The following RASA3 variants were observed in gnomAD, a reference collection of about 807,000 sequenced individuals.
RASA3 encodes the protein ras GTPase-activating protein 3.
RASA3 carries 73 observed loss-of-function variants against 110.0 expected under a neutral mutation model. The observed-to-expected ratio is 0.66, with a 90% confidence interval of 0.55 to 0.81. The LOEUF is 0.81. Among genes scored for constraint, RASA3 ranks in the 30% least tolerant of loss-of-function variants. The pLI is 0.00. For missense variants in RASA3, 976 were observed against 1,113.2 expected (o/e 0.88, Z 1.75); for synonymous variants, 500 against 451.4 (o/e 1.11, Z -1.37).
At chr13:114,010,127 G>A (rs972487397) in intron 16 of RASA3, among the ~76,000 whole-genome samples, 1 of 152,180 alleles carries the variant, frequency 6.6e-6, no homozygotes, top group Non-Finnish European at 1.5e-5. Context: ...AGAGCGGTCG[G>A]TGCACCTCGG....
chr13:114,042,989 C>T (rs577266179), intron 3 of RASA3, among the ~76,000 whole-genome samples: 85 of 152,326 alleles, frequency 5.6e-4, no homozygotes, highest in Admixed American at 4.7e-3. Flanking sequence ...CCCCACCCTG[C>T]GAGGTCCCAG....
intron 9 of RASA3, 56 bp downstream of exon 9, chr13:114,021,348 A>G: frequency 6.7e-7 from 1 of 1,494,040 alleles, no homozygotes; most frequent in South Asian, 1.1e-5. Flanking sequence ...CAGAGGCAGC[A>G]CGTGTTTTTG....
Position 114,057,484 on chromosome 13 carries a change from A to G in RASA3, c.174-5329T>C, listed in dbSNP as rs1478605719. The G allele has an allele frequency of 1.0e-6, 1 of 985,298 alleles. No homozygotes were observed. The highest frequency in any genetic ancestry group is 1.2e-6 in the Non-Finnish European group (1 of 829,938). 61.0% of individuals were successfully genotyped at this position (985,298 alleles called of 1,614,324 possible). A position where few individuals can be genotyped will look rare whatever the true frequency, so the allele number is the denominator to read the frequency against. On this transcript the variant is annotated intron_variant, in intron 2 of 23. Coordinates refer to ENST00000334062, the MANE Select transcript of RASA3 (RefSeq NM_007368.4). This position sits in a 1 kb window ranked among gnomAD's most constrained non-coding sequence, Gnocchi z 5.0. ...AAGCTGGAGCCAGTCTCTGTGCCAG[A>G]ATAGAGGGTTCGTTCAGCTTCTTAG...
At chr13:114,005,493 A>AG (rs149031047) in intron 18 of RASA3, among the ~76,000 whole-genome samples, 21,943 of 152,126 alleles carry the variant, frequency 0.14, 1,871 homozygotes, top group Middle Eastern at 0.21. Context: ...AGAAGGTGGC[A>AG]GAGGGGTCCC....
chr13:113,999,454 C>T, intron 20 of RASA3, 131 bp downstream of exon 20: 2 of 706,498 alleles, frequency 2.8e-6, no homozygotes, highest in South Asian at 3.2e-5. Context: ...ACCCGAGTAA[C>T]ACGAAGACTC....
chr13:114,121,775 C>T (rs1400456472), intron 1 of RASA3, among the ~76,000 whole-genome samples: 1 of 152,246 alleles, frequency 6.6e-6, no homozygotes, highest in Non-Finnish European at 1.5e-5. Flanking sequence ...GCCCATTGCG[C>T]TAGCCCTGTA....
In RASA3 at chr13:114,115,023, A is replaced by G. The variant is rs556684479; in HGVS notation, c.55+17412T>C. Among the ~76,000 whole-genome samples, 1 of 139,308 alleles carries G rather than the reference A, an allele frequency of 7.2e-6. No individual in the cohort carries two copies. The highest frequency in any genetic ancestry group is 7.1e-5 in the Admixed American group (1 of 14,034). 91.4% of individuals were successfully genotyped at this position (139,308 alleles called of 152,430 possible). ...GAGATGCTGCAGGTTCCCCAGCCCCACCCCCAGCTGTGAGATGCTGCAGGT... is the reference window on the plus strand; with the variant it reads ...GAGATGCTGCAGGTTCCCCAGCCCCGCCCCCAGCTGTGAGATGCTGCAGGT... On this transcript the variant is annotated intron_variant, in intron 1 of 23. Coordinates refer to ENST00000334062, the MANE Select transcript of RASA3 (RefSeq NM_007368.4). This position sits in a 1 kb window ranked among gnomAD's most constrained non-coding sequence, Gnocchi z 5.0.
chr13:114,109,216 A>G (rs987067689), intron 1 of RASA3, among the ~76,000 whole-genome samples: 15 of 152,116 alleles, frequency 9.9e-5, no homozygotes, highest in African/African-American at 2.7e-4. Context: ...TTTTCAGTCC[A>G]CGCCTCTGGT....
intron 7 of RASA3, among the ~76,000 whole-genome samples, chr13:114,026,944 C>G (rs562952492): frequency 3.9e-5 from 6 of 152,360 alleles, no homozygotes; most frequent in Non-Finnish European, 7.3e-5. Context: ...ATCCTTTCCC[C>G]TTTGTTTCAA....
intron 2 of RASA3, among the ~76,000 whole-genome samples, chr13:114,059,235 C>T (rs750965786): frequency 1.0e-4 from 15 of 150,624 alleles, no homozygotes; most frequent in South Asian, 2.2e-4. Flanking sequence ...CTGGAGGAGC[C>T]GCCGTCAGGC....
chr13:114,062,741 C>A (rs1252046720), intron 2 of RASA3, among the ~76,000 whole-genome samples: 1 of 152,250 alleles, frequency 6.6e-6, no homozygotes, highest in East Asian at 1.9e-4. Flanking sequence ...TGCGTGCTCA[C>A]AGCCTCAGTC....
At chr13:114,001,730 C>G (rs1277002221) in intron 18 of RASA3, among the ~76,000 whole-genome samples, 1 of 152,164 alleles carries the variant, frequency 6.6e-6, no homozygotes, top group Non-Finnish European at 1.5e-5. Context: ...GGCTCGGGGT[C>G]AGAGCGGGCA....
At chr13:114,050,384 C>T (rs1428755911) in intron 3 of RASA3, among the ~76,000 whole-genome samples, 1 of 152,224 alleles carries the variant, frequency 6.6e-6, no homozygotes, top group Non-Finnish European at 1.5e-5. Flanking sequence ...AAAATGAAGT[C>T]AAATGTCAAT....
rs77114658 is a variant in RASA3 at position 114,040,677 on chromosome 13, A to G, written c.372+323T>C. ...GCCTGCGCTCACTCCGAGCACAAGC[A>G]GGCAAACACGCACAACCCAAAATCC... On this transcript the variant is annotated intron_variant, in intron 4 of 23. Coordinates refer to ENST00000334062, the MANE Select transcript of RASA3 (RefSeq NM_007368.4). Among the ~76,000 whole-genome samples, 273 of 119,978 alleles carry G rather than the reference A, an allele frequency of 2.3e-3. 13 individuals are homozygous for G. Among genetic ancestry groups the G allele is most frequent in the African/African-American group, 6.5e-3 (156 of 24,114 alleles). The allele number at this position is 119,978 out of a possible 152,430, so 78.7% of individuals were successfully genotyped here.
chr13:114,092,267 G>A (rs1209777509), intron 1 of RASA3, among the ~76,000 whole-genome samples: 1 of 152,076 alleles, frequency 6.6e-6, no homozygotes, highest in African/African-American at 2.4e-5. Context: ...TTGTTTACTT[G>A]AAGTCTTTCT....
intron 7 of RASA3, among the ~76,000 whole-genome samples, chr13:114,026,690 C>A (rs2054031447): frequency 6.6e-6 from 1 of 152,210 alleles, no homozygotes; most frequent in Non-Finnish European, 1.5e-5. Flanking sequence ...CATGCTCTTG[C>A]CACAGAGGCC....
chr13:114,132,472 C>G lies in RASA3; in HGVS notation c.18G>C (p.Glu6Asp), dbSNP rs911043371. MAVED[E>D]GLRVFQSVKI... is the part of the protein sequence containing the mutation. ...TCACGCTCTGGAAGACCCGGAGCCC[C>G]TCGTCCTCCACCGCCATGCTGCGCG... Residue 6 changes from glutamate to aspartate, a missense_variant, in exon 1 of 24, where the codon GAG becomes GAC. By Grantham distance (45) the Glu-to-Asp change is conservative. This residue lies in a region of RASA3 where 732 missense variants were observed against 779.7 expected (regional missense o/e 0.94). Coordinates refer to ENST00000334062, the MANE Select transcript of RASA3 (RefSeq NM_007368.4). 2 of 1,509,446 alleles carry G rather than the reference C, an allele frequency of 1.3e-6. No individual in the cohort carries two copies. Among genetic ancestry groups the G allele is most frequent in the Non-Finnish European group, 1.8e-6 (2 of 1,135,080 alleles). 93.5% of individuals were successfully genotyped at this position (1,509,446 alleles called of 1,614,324 possible). A position where few individuals can be genotyped will look rare whatever the true frequency, so the allele number is the denominator to read the frequency against.
At chr13:114,039,940 T>A (rs2054362336) in intron 4 of RASA3, among the ~76,000 whole-genome samples, 1 of 152,130 alleles carries the variant, frequency 6.6e-6, no homozygotes, top group South Asian at 2.1e-4. Flanking sequence ...ACCAGAACGC[T>A]CTTTCAGCTC....
chr13:114,054,783 CA>C (rs138977835), intron 2 of RASA3, among the ~76,000 whole-genome samples: 1 of 152,368 alleles, frequency 6.6e-6, no homozygotes, highest in African/African-American at 2.4e-5. Flanking sequence ...TCCATTGTAG[CA>C]GCATCCTGGT....
Sources: allele counts gnomAD v4.1 joint callset (sites outside exome capture counted in the v4.1 genomes callset), GRCh38; gene constraint gnomAD v4.1.1; regional missense constraint gnomAD v4.1.1; non-coding constraint Gnocchi (gnomAD v3.1); transcripts MANE v1.5; gene names NCBI Gene and HGNC (gene_info 2026-07-23, HGNC 2026-07-21).